Variants in ZNF43 observed in about 807,000 individuals in gnomAD.
ZNF43 encodes zinc finger protein 43, also known as zinc finger protein 39-like 1 (KOX 27).
ZNF43 carries 44 observed loss-of-function variants against 68.4 expected under a neutral mutation model. The observed-to-expected ratio is 0.64, with a 90% CI of 0.51 to 0.83. The LOEUF is 0.83. Among genes scored for constraint, ZNF43 ranks in the 40% least tolerant of loss-of-function variants. The probability of loss-of-function intolerance (pLI) is 0.00; values close to 1 mark genes in which losing one functional copy is unlikely to be tolerated. For synonymous variants in ZNF43, 308 were observed against 307.8 expected (o/e 1.00, Z -0.01); for missense variants, 896 against 933.2 (o/e 0.96, Z 0.52).
chr19:21,838,147 T>A (rs1470279463), upstream of ZNF43: 1 of 152,192 alleles, frequency 6.6e-6, no homozygotes, highest in Non-Finnish European at 1.5e-5. Context: ...ATTTCCTTGT[T>A]GGCTAATTGT....
At position 21,807,416 on chromosome 19, in the gene ZNF43, A is replaced by G; in HGVS notation, c.*191T>C. The G allele has an allele frequency of 1.9e-6, 1 of 524,676 alleles. No individual in the cohort carries two copies. The highest frequency in any genetic ancestry group is 3.2e-6 in the Non-Finnish European group (1 of 309,452). 32.5% of individuals were successfully genotyped at this position (524,676 alleles called of 1,614,324 possible). A position where few individuals can be genotyped will look rare whatever the true frequency, so the allele number is the denominator to read the frequency against. On this transcript the variant is annotated 3_prime_UTR_variant, in exon 4 of 4. Transcript: ENST00000354959. Reference sequence around the variant, plus strand: ...AATGGCTTTTCCACATTCTTTGTGTATATACCTTTTTCCAAGTAAAAATTC... The same window carrying G: ...AATGGCTTTTCCACATTCTTTGTGTGTATACCTTTTTCCAAGTAAAAATTC...
Position 21,809,515 on chromosome 19 carries a change from GAA to G in ZNF43, c.520_521del (p.Phe174GlnfsTer19). On this transcript the variant is annotated frameshift_variant, in exon 4 of 4. Transcript: ENST00000354959. LOFTEE classifies it high-confidence loss of function. Reference sequence around the variant, plus strand: ...ATGATTTGCCACATTCTTTGCATTTGAAAAGTTTTTTTTCAGTATGGCTTATC... The same window carrying G: ...ATGATTTGCCACATTCTTTGCATTTGAAGTTTTTTTTCAGTATGGCTTATC... Reference protein sequence around the residue: ...HKISHTEKKLFKCKECGKSFC... With the variant: ...HKISHTEKKLXKCKECGKSFC... 6 of 1,613,398 alleles carry G rather than the reference GAA, an allele frequency of 3.7e-6. No homozygotes were observed. Among genetic ancestry groups the G allele is most frequent in the Non-Finnish European group, 5.1e-6 (6 of 1,179,652 alleles).
At chr19:21,850,862 C>G (rs768223648) in intron 1 of ZNF43, 1 of 149,030 alleles carries the variant, frequency 6.7e-6, no homozygotes, top group Non-Finnish European at 1.5e-5. Flanking sequence ...AGCGATATGT[C>G]ACAATCTCCA....
upstream of ZNF43, among the ~76,000 whole-genome samples, chr19:21,838,404 T>TTC (rs200442655): frequency 8.3e-3 from 1,150 of 138,350 alleles, 9 homozygotes; most frequent in East Asian, 0.034. Context: ...TCTAAATTTT[T>TTC]TTTTTTTTTT....
intron 1 of ZNF43, among the ~76,000 whole-genome samples, chr19:21,844,236 C>T (rs75162832): frequency 0.088 from 13,272 of 151,082 alleles, 648 homozygotes; most frequent in Middle Eastern, 0.16. Flanking sequence ...CATATCCCAG[C>T]TGCTCAGAAG....
At chr19:21,838,399 A>AT (rs11397819), upstream of ZNF43, among the ~76,000 whole-genome samples, 12,803 of 132,482 alleles carry the variant, frequency 0.097, 1,782 homozygotes, top group African/African-American at 0.32. Context: ...CCCATTCTAA[A>AT]TTTTTTTTTT....
In ZNF43 at chr19:21,805,584, A is replaced by G. The variant is rs2036901795; in HGVS notation, c.*2023T>C. 6.6e-6 allele frequency: 1 copy of G among 151,910 alleles called. No individual in the cohort carries two copies. Among genetic ancestry groups the G allele is most frequent in the Admixed American group, 6.6e-5 (1 of 15,226 alleles). The allele number at this position is 151,910 out of a possible 1,614,324, so 9.4% of individuals were successfully genotyped here. ...CAGTGAGCCAAGATCGCGCCACTGC[A>G]CTCCAGCCTGGGCGAGAGCAAGACT... On this transcript the variant is annotated 3_prime_UTR_variant, in exon 4 of 4. Transcript: ENST00000354959.
intron 3 of ZNF43, 56 bp downstream of exon 3, chr19:21,817,832 C>T (rs1026431336): frequency 7.1e-6 from 11 of 1,544,056 alleles, no homozygotes; most frequent in Non-Finnish European, 8.9e-6. Flanking sequence ...TGGCTTTCCC[C>T]TTAACCTTTG....
chr19:21,835,390 C>A (rs2038665089), intron 1 of ZNF43, among the ~76,000 whole-genome samples: 1 of 128,602 alleles, frequency 7.8e-6, no homozygotes, highest in African/African-American at 2.9e-5. Flanking sequence ...GGGAGTTTCA[C>A]TCTGTGGCCC....
At position 21,808,143 on chromosome 19, in the gene ZNF43, T is replaced by A. The variant is rs2037053631; in HGVS notation, c.1894A>T (p.Asn632Tyr). The change falls in exon 4 of 4, where the codon AAC becomes TAC. Residue 632 changes from asparagine (N) to tyrosine (Y), a missense_variant. By Grantham distance (143) the Asn-to-Tyr change is moderately radical. Coordinates refer to ENST00000354959, the MANE Select transcript of ZNF43 (RefSeq NM_003423.4). ...TGTTTAGTAAGAGTTGAGAACTGGT[T>A]AAAAGCTTTGCCACATTCTTCACAT... is the stretch of plus-strand genomic sequence containing the variant. ...YKCEECGKAF[N>Y]QFSTLTKHKI... The A allele has an allele frequency of 8.7e-6, 14 of 1,613,404 alleles. No homozygotes were observed. Among genetic ancestry groups the A allele is most frequent in the Non-Finnish European group, 1.2e-5 (14 of 1,179,822 alleles).
upstream of ZNF43, chr19:21,836,303 A>G (rs531974565): frequency 4.6e-4 from 565 of 1,222,996 alleles, 14 homozygotes; most frequent in South Asian, 0.011. Context: ...GCAAACCCTG[A>G]ATGAAAGATG....
intron 3 of ZNF43, among the ~76,000 whole-genome samples, chr19:21,817,348 G>A (rs558308925): frequency 6.6e-6 from 1 of 151,780 alleles, no homozygotes; most frequent in Admixed American, 6.6e-5. Flanking sequence ...CATGAAACTA[G>A]AATAAACTTT....
rs780096720 is a variant in ZNF43 at position 21,836,059 on chromosome 19, C to T, written c.-21G>A. On this transcript the variant is annotated 5_prime_UTR_variant, in exon 1 of 4. Coordinates refer to ENST00000354959, the MANE Select transcript of ZNF43 (RefSeq NM_003423.4). ...ACCATTTCTAGGCTTCCGGGGGGTC[C>T]TGGCGTCTTAGCTGTGGATCCCCCA... 3 of 1,613,940 alleles carry T rather than the reference C, an allele frequency of 1.9e-6. No individual in the cohort carries two copies. In the South Asian group the frequency reaches 3.3e-5, roughly 18 times the overall value.
chr19:21,818,483 C>G (rs192221354), intron 2 of ZNF43, among the ~76,000 whole-genome samples: 2 of 152,148 alleles, frequency 1.3e-5, no homozygotes, highest in Admixed American at 6.5e-5. Context: ...TGCAGTGGCA[C>G]GATCTCGGCT....
Position 21,817,884 on chromosome 19 carries a change from C to T in ZNF43, c.229+4G>A. The T allele has an allele frequency of 6.2e-7, 1 of 1,612,152 alleles. No individual in the cohort carries two copies. Among genetic ancestry groups the T allele is most frequent in the Non-Finnish European group, 8.5e-7 (1 of 1,178,596 alleles). On this transcript the variant is annotated splice_donor_region_variant and intron_variant, in intron 3 of 3. Coordinates refer to ENST00000354959, the MANE Select transcript of ZNF43 (RefSeq NM_003423.4). ...TTGTTGTATTCACTTTCACTCTCACCTACCTGGGGGTTTGGCTACCATTTC... is the reference window on the plus strand; with the variant it reads ...TTGTTGTATTCACTTTCACTCTCACTTACCTGGGGGTTTGGCTACCATTTC...
chr19:21,824,732 T>TAAAAAAAAAAAAAA (rs34739856), intron 1 of ZNF43, among the ~76,000 whole-genome samples: 2 of 107,244 alleles, frequency 1.9e-5, no homozygotes, highest in African/African-American at 3.2e-5. Context: ...TATGTTTACC[T>TAAAAAAAAAAAAAA]AAAAAAAAAA....
At chr19:21,817,698 A>C (rs1052368959) in intron 3 of ZNF43, among the ~76,000 whole-genome samples, 190 bp downstream of exon 3, 2 of 152,202 alleles carry the variant, frequency 1.3e-5, no homozygotes, top group Non-Finnish European at 2.9e-5. Context: ...GGAAATAAGA[A>C]TCCTGAGAGA....
chr19:21,809,382 T>C lies in ZNF43; in HGVS notation c.655A>G (p.Lys219Glu), dbSNP rs1277590992. The C allele has an allele frequency of 1.9e-6, 3 of 1,613,684 alleles. No individual in the cohort carries two copies. Among genetic ancestry groups the C allele is most frequent in the Non-Finnish European group, 2.5e-6 (3 of 1,179,828 alleles). The change falls in exon 4 of 4, where the codon AAA becomes GAA. Residue 219 changes from lysine to glutamate, a missense_variant. By Grantham distance (56) the Lys-to-Glu change is moderately conservative. Coordinates refer to ENST00000354959, the MANE Select transcript of ZNF43 (RefSeq NM_003423.4). ...KAFNCPSIIT[K>E]HKRINTGEKP... ...TCTCCAGTATTAATTCTCTTATGTTTAGTGATGATTGAAGGGCAGTTAAAA... is the reference window on the plus strand; with the variant it reads ...TCTCCAGTATTAATTCTCTTATGTTCAGTGATGATTGAAGGGCAGTTAAAA...
Position 21,822,455 on chromosome 19 carries a change from G to T in ZNF43, c.4-3234C>A, listed in dbSNP as rs568671179. 2.7e-5 allele frequency among the ~76,000 whole-genome samples: 4 copies of T among 145,700 alleles called. No individual in the cohort carries two copies. In the South Asian group the frequency reaches 6.7e-4, roughly 24 times the overall value. On this transcript the variant is annotated intron_variant, in intron 1 of 3. Coordinates refer to ENST00000354959, the MANE Select transcript of ZNF43 (RefSeq NM_003423.4). ...AATAAGCAGGCCTGACCTAAATAAGGCCTCCAAAAGGGGTGAATCTGAACA... is the reference window on the plus strand; with the variant it reads ...AATAAGCAGGCCTGACCTAAATAAGTCCTCCAAAAGGGGTGAATCTGAACA...
Sources: gnomAD v4.1 joint callset for allele counts (sites outside exome capture counted in the v4.1 genomes callset) on GRCh38, gnomAD v4.1.1 for gene constraint, MANE v1.5 for transcripts, NCBI Gene and HGNC (gene_info 2026-07-23, HGNC 2026-07-21) for gene names.